FAF1: variants seen among roughly 807,000 people sequenced by gnomAD.
FAF1 encodes FAS-associated factor 1.
A neutral mutation model predicts 92.5 loss-of-function variants in FAF1; 25 were observed. The ratio of observed to expected loss-of-function variants is 0.27; its 90% CI spans 0.20 to 0.38. The LOEUF (loss-of-function observed/expected upper bound fraction) is 0.38. Ranked by LOEUF, FAF1 falls within the 10% of genes least tolerant of loss-of-function variation. The pLI is 1.00. For synonymous variants in FAF1, 234 were observed against 273.2 expected (o/e 0.86, Z 1.42); for missense variants, 636 against 793.3 (o/e 0.80, Z 2.38).
At chr1:50,915,627 ATT>A (rs879566778) in intron 1 of FAF1, among the ~76,000 whole-genome samples, 1 of 146,966 alleles carries the variant, frequency 6.8e-6, no homozygotes, top group Non-Finnish European at 1.5e-5. Flanking sequence ...AAAATAGGAG[ATT>A]TTTTTTTTTT....
At chr1:50,807,536 C>T (rs1662256242) in intron 2 of FAF1, among the ~76,000 whole-genome samples, 1 of 152,140 alleles carries the variant, frequency 6.6e-6, no homozygotes, top group South Asian at 2.1e-4. Context: ...CCCCCATGGT[C>T]CAATCACCTC....
intron 2 of FAF1, among the ~76,000 whole-genome samples, chr1:50,825,594 T>A (rs1329736467): frequency 6.6e-6 from 1 of 151,870 alleles, no homozygotes; most frequent in Non-Finnish European, 1.5e-5. Flanking sequence ...AACGTATATC[T>A]ACCAGTAATT....
chr1:50,779,979 CACAG>C (rs991016216), intron 4 of FAF1, among the ~76,000 whole-genome samples: 9 of 135,178 alleles, frequency 6.7e-5, no homozygotes, highest in African/African-American at 1.8e-4. Context: ...AGCACACATG[CACAG>C]ACAGACAGAC....
intron 12 of FAF1, among the ~76,000 whole-genome samples, chr1:50,574,905 T>G (rs1375997216): frequency 1.7e-4 from 21 of 126,812 alleles, no homozygotes; most frequent in African/African-American, 6.6e-4. Flanking sequence ...ACTCTTTTTT[T>G]TTTTTTTTTT....
chr1:50,651,064 C>G (rs76394593), intron 8 of FAF1, among the ~76,000 whole-genome samples: 11,899 of 152,172 alleles, frequency 0.078, 692 homozygotes, highest in South Asian at 0.26. Flanking sequence ...ACTGAGTAAC[C>G]TGAAAATGCC....
At chr1:50,626,305 T>C (rs1653495179) in intron 8 of FAF1, among the ~76,000 whole-genome samples, 1 of 152,120 alleles carries the variant, frequency 6.6e-6, no homozygotes, top group Non-Finnish European at 1.5e-5. Flanking sequence ...AGGTATGCAA[T>C]AATGAACAAA....
At chr1:50,935,630 C>T (rs187095296) in intron 1 of FAF1, among the ~76,000 whole-genome samples, 16 of 151,860 alleles carry the variant, frequency 1.1e-4, no homozygotes, top group African/African-American at 3.6e-4. Context: ...ACCACCACGC[C>T]CCCAGCTAAT....
At chr1:50,641,768 T>G (rs965395076) in intron 8 of FAF1, among the ~76,000 whole-genome samples, 6 of 152,204 alleles carry the variant, frequency 3.9e-5, no homozygotes, top group African/African-American at 1.4e-4. Flanking sequence ...GAAAGGAAAA[T>G]GAAATCTCTA....
chr1:50,743,295 C>A (rs887379051), intron 5 of FAF1, among the ~76,000 whole-genome samples: 6 of 152,084 alleles, frequency 3.9e-5, no homozygotes, highest in Non-Finnish European at 8.8e-5. Context: ...AAGAACTGAA[C>A]CAAAAGTTGA....
intron 1 of FAF1, among the ~76,000 whole-genome samples, chr1:50,920,930 T>C (rs986138662): frequency 2.0e-5 from 3 of 151,788 alleles, no homozygotes; most frequent in African/African-American, 7.3e-5. Flanking sequence ...TCACAGGCAA[T>C]AAAGTAAGAA....
chr1:50,815,589 G>A (rs1041305033), intron 2 of FAF1, among the ~76,000 whole-genome samples: 4 of 152,098 alleles, frequency 2.6e-5, no homozygotes, highest in Non-Finnish European at 2.9e-5. Context: ...TGGGTAGAAC[G>A]GCAGTTCTTT....
At chr1:50,599,025 T>C (rs1287106957) in intron 8 of FAF1, among the ~76,000 whole-genome samples, 2 of 151,998 alleles carry the variant, frequency 1.3e-5, no homozygotes, top group Non-Finnish European at 1.5e-5. Context: ...AGGCACAGGG[T>C]TCTTGAGATT....
intron 2 of FAF1, among the ~76,000 whole-genome samples, chr1:50,822,750 C>T (rs6704332): frequency 0.25 from 21,613 of 87,956 alleles, 3,101 homozygotes; most frequent in African/African-American, 0.47. Flanking sequence ...GGTGTTTTTT[C>T]TTTCTTTCTT....
At chr1:50,453,755 C>T (rs1164242713) in intron 18 of FAF1, among the ~76,000 whole-genome samples, 1 of 152,176 alleles carries the variant, frequency 6.6e-6, no homozygotes, top group Non-Finnish European at 1.5e-5. Flanking sequence ...AGAGAGGATG[C>T]TAGGAAAGTG....
intron 15 of FAF1, among the ~76,000 whole-genome samples, chr1:50,503,886 GA>G (rs1296974308): frequency 2.0e-5 from 3 of 152,134 alleles, no homozygotes; most frequent in African/African-American, 7.2e-5. Context: ...TGGCTTGACA[GA>G]CAGAGACAGC....
chr1:50,912,688 T>C (rs560457585), intron 1 of FAF1, among the ~76,000 whole-genome samples: 95 of 152,326 alleles, frequency 6.2e-4, no homozygotes, highest in Middle Eastern at 3.4e-3. Context: ...CTCTACACTA[T>C]GCAATCTACT....
chr1:50,476,884 A>C (rs1646645056), intron 17 of FAF1, among the ~76,000 whole-genome samples: 2 of 152,232 alleles, frequency 1.3e-5, no homozygotes, highest in Non-Finnish European at 2.9e-5. Flanking sequence ...ATAACTAGTC[A>C]GCTTATAAGC....
At chr1:50,700,629 G>A (rs887185981) in intron 7 of FAF1, among the ~76,000 whole-genome samples, 2 of 152,032 alleles carry the variant, frequency 1.3e-5, no homozygotes, top group African/African-American at 4.8e-5. Flanking sequence ...ATAACTGAAC[G>A]GAATTTCTCT....
At position 50,834,934 on chromosome 1, in the gene FAF1, T is replaced by A. The variant is rs145364678; in HGVS notation, c.114+22995A>T. On this transcript the variant is annotated intron_variant, in intron 2 of 18. Coordinates refer to ENST00000396153, the MANE Select transcript of FAF1 (RefSeq NM_007051.3). Reference sequence around the variant, plus strand: ...GTGAAGGCATTATAAAGACTTCCTATAGGAACTTACTCTTTGGAGTCTTGA... The same window carrying A: ...GTGAAGGCATTATAAAGACTTCCTAAAGGAACTTACTCTTTGGAGTCTTGA... Among the ~76,000 whole-genome samples the A allele has an allele frequency of 5.4e-3, 820 of 152,278 alleles. 26 individuals carry two copies. The highest frequency in any genetic ancestry group is 1.1e-3 in the Non-Finnish European group (78 of 68,018).
Sources: gnomAD v4.1 joint callset for allele counts (sites outside exome capture counted in the v4.1 genomes callset) on GRCh38, gnomAD v4.1.1 for gene constraint, MANE v1.5 for transcripts, NCBI Gene and HGNC (gene_info 2026-07-23, HGNC 2026-07-21) for gene names.